The following LRP1B variants were observed in gnomAD, a reference collection of about 807,000 sequenced individuals.
LRP1B encodes LDL receptor related protein 1B.
LRP1B carries 217 observed loss-of-function variants against 556.6 expected under a neutral mutation model. The ratio of observed to expected loss-of-function variants is 0.39; its 90% CI spans 0.35 to 0.44. LRP1B has a LOEUF of 0.44. Among genes scored for constraint, LRP1B ranks in the 20% least tolerant of loss-of-function variants. The pLI, the probability that LRP1B is intolerant of heterozygous loss-of-function variation, is 1.00. For synonymous variants in LRP1B, 2,047 were observed against 1,865.8 expected, an observed-to-expected ratio of 1.10 and a Z score of -2.50; for missense variants, 5,053 against 5,620.8, an observed-to-expected ratio of 0.90 and a Z score of 3.23.
At chr2:140,944,400 C>A (rs529027271) in intron 20 of LRP1B, among the ~76,000 whole-genome samples, 1 of 152,156 alleles carries the variant, frequency 6.6e-6, no homozygotes, top group South Asian at 2.1e-4. Flanking sequence ...AGGAGGGACT[C>A]CTTTGTAATT....
intron 22 of LRP1B, among the ~76,000 whole-genome samples, chr2:140,906,449 CTTTTA>C (rs1269058744): frequency 6.6e-6 from 1 of 151,574 alleles, no homozygotes; most frequent in African/African-American, 2.4e-5. Flanking sequence ...TGTCTTTTGC[CTTTTA>C]TTTATTTCAT....
At chr2:140,326,532 T>G (rs944592703) in intron 79 of LRP1B, among the ~76,000 whole-genome samples, 1 of 151,698 alleles carries the variant, frequency 6.6e-6, no homozygotes, top group African/African-American at 2.4e-5. Flanking sequence ...CTGGCCAACA[T>G]GGTGAAACCC....
chr2:141,105,514 C>T (rs1015849344), intron 7 of LRP1B, among the ~76,000 whole-genome samples: 6 of 152,128 alleles, frequency 3.9e-5, no homozygotes, highest in South Asian at 2.1e-4. Context: ...ACTTGAGTTG[C>T]GTTTCTGTTA....
At chr2:141,190,091 C>T (rs950852289) in intron 6 of LRP1B, among the ~76,000 whole-genome samples, 3 of 151,946 alleles carry the variant, frequency 2.0e-5, no homozygotes, top group Non-Finnish European at 4.4e-5. Context: ...CCTGAGAGAA[C>T]CTGCATATCA....
chr2:141,115,079 T>TG (rs975687892), intron 7 of LRP1B, among the ~76,000 whole-genome samples: 1 of 152,010 alleles, frequency 6.6e-6, no homozygotes, highest in African/African-American at 2.4e-5. Context: ...TTCTAGAACT[T>TG]GCACATATTT....
At chr2:142,015,866 C>A (rs966218873) in intron 1 of LRP1B, among the ~76,000 whole-genome samples, 1 of 151,744 alleles carries the variant, frequency 6.6e-6, no homozygotes, top group African/African-American at 2.4e-5. Flanking sequence ...GTGGCGGGCG[C>A]CTGTAGTCCC....
chr2:140,440,252 G>T (rs940074196), intron 66 of LRP1B, among the ~76,000 whole-genome samples: 2 of 152,078 alleles, frequency 1.3e-5, no homozygotes, highest in South Asian at 4.1e-4. Flanking sequence ...AATAAAAATG[G>T]ATTCTAAATA....
chr2:141,133,830 G>T (rs1477435879), intron 7 of LRP1B, among the ~76,000 whole-genome samples: 1 of 151,780 alleles, frequency 6.6e-6, no homozygotes, highest in Admixed American at 6.6e-5. Flanking sequence ...ACTCATGATT[G>T]CCCCTGATTT....
At chr2:141,879,148 A>G (rs1017814100) in intron 1 of LRP1B, among the ~76,000 whole-genome samples, 1 of 151,886 alleles carries the variant, frequency 6.6e-6, no homozygotes, top group Admixed American at 6.6e-5. Context: ...TATAGAAAAT[A>G]TATTATTACT....
chr2:140,605,873 C>T (rs1395307401), intron 41 of LRP1B, among the ~76,000 whole-genome samples: 1 of 152,036 alleles, frequency 6.6e-6, no homozygotes, highest in African/African-American at 2.4e-5. Flanking sequence ...AAAGGAATAC[C>T]AAAACCCGAG....
At chr2:140,934,935 C>T (rs1573896827) in intron 20 of LRP1B, among the ~76,000 whole-genome samples, 1 of 152,094 alleles carries the variant, frequency 6.6e-6, no homozygotes, top group South Asian at 2.1e-4. Flanking sequence ...TAGAAAGTTA[C>T]TGTGTATACC....
At chr2:141,845,749 C>T (rs1697624223) in intron 1 of LRP1B, among the ~76,000 whole-genome samples, 1 of 151,848 alleles carries the variant, frequency 6.6e-6, no homozygotes, top group African/African-American at 2.4e-5. Context: ...TTACTTATAA[C>T]AGCAGAAGCA....
At chr2:141,115,452 G>GTTTTTTTTTTTTT (rs1364204085) in intron 7 of LRP1B, among the ~76,000 whole-genome samples, 1 of 90,610 alleles carries the variant, frequency 1.1e-5, no homozygotes, top group African/African-American at 3.8e-5. Context: ...ATAGGTTTTT[G>GTTTTTTTTTTTTT]TTTTTGTTTT....
chr2:140,457,597 A>G lies in LRP1B; in HGVS notation c.9680T>C (p.Ile3227Thr). The G allele has an allele frequency of 6.2e-7, 1 of 1,613,784 alleles. No individual in the cohort carries two copies. Residue 3227 changes from isoleucine to threonine, a missense_variant, in exon 61 of 91, where the codon ATC (isoleucine) becomes ACC (threonine). Physicochemically the swap from Ile to Thr is moderately conservative, Grantham distance 89. This residue lies in a region of LRP1B where 262 missense variants were observed against 395.1 expected (regional missense o/e 0.66). Coordinates refer to ENST00000389484, the MANE Select transcript of LRP1B (RefSeq NM_018557.3). ...VIALTLFEDYIYWTDGKTKSL... is the reference protein window; with the variant it reads ...VIALTLFEDYTYWTDGKTKSL... ...CTTGGTTTTCCCATCAGTCCAGTAG[A>G]TGTAGTCTTCAAACAATGTTAGTGC... is the stretch of plus-strand genomic sequence containing the variant.
chr2:141,099,770 C>A (rs1048177806), intron 7 of LRP1B, among the ~76,000 whole-genome samples: 5 of 152,160 alleles, frequency 3.3e-5, no homozygotes, highest in African/African-American at 1.2e-4. Flanking sequence ...GGGCTGTCAA[C>A]TAAATATAGG....
At chr2:140,855,543 G>A (rs1277223925) in intron 27 of LRP1B, among the ~76,000 whole-genome samples, 5 of 148,168 alleles carry the variant, frequency 3.4e-5, no homozygotes, top group African/African-American at 1.2e-4. Context: ...ACAAAGTGTC[G>A]GCTTTATCTC....
intron 43 of LRP1B, among the ~76,000 whole-genome samples, chr2:140,595,136 A>ATATG (rs1682390713): frequency 8.6e-6 from 1 of 116,840 alleles, no homozygotes; most frequent in South Asian, 2.9e-4. Context: ...ATATATATAT[A>ATATG]TTAGTATGGT....
intron 7 of LRP1B, among the ~76,000 whole-genome samples, chr2:141,085,793 G>A (rs985442119): frequency 6.6e-6 from 1 of 152,138 alleles, no homozygotes; most frequent in Non-Finnish European, 1.5e-5. Context: ...GTCTTTTATT[G>A]TAGTTTTTAA....
chr2:141,455,964 A>C (rs1231383961), intron 3 of LRP1B, among the ~76,000 whole-genome samples: 6 of 152,232 alleles, frequency 3.9e-5, no homozygotes, highest in African/African-American at 1.2e-4. Context: ...GATAAGTGAG[A>C]AAATCAAGGT....
Sources: allele counts gnomAD v4.1 joint callset (sites outside exome capture counted in the v4.1 genomes callset), GRCh38; gene constraint gnomAD v4.1.1; regional missense constraint gnomAD v4.1.1; transcripts MANE v1.5; gene names NCBI Gene and HGNC (gene_info 2026-07-23, HGNC 2026-07-21).